Variants in TLN2 observed in about 807,000 individuals in gnomAD.
TLN2 encodes the protein talin 2.
In TLN2, 118 loss-of-function variants were observed where a neutral mutation model predicts 294.7. The observed-to-expected ratio is 0.40, with a 90% CI of 0.34 to 0.47. The LOEUF (loss-of-function observed/expected upper bound fraction) is 0.47. TLN2 is among the 20% of genes least tolerant of loss of function. TLN2 has a pLI of 0.84. For synonymous variants in TLN2, 1,431 were observed against 1,304.5 expected (o/e 1.10, Z -2.09); for missense variants, 3,083 against 3,282.2 (o/e 0.94, Z 1.48).
intron 1 of TLN2, among the ~76,000 whole-genome samples, chr15:62,433,804 C>T (rs576139928): frequency 1.1e-4 from 16 of 152,008 alleles, no homozygotes; most frequent in African/African-American, 1.9e-4. Context: ...GCCTGGCCAA[C>T]GTGGTGAAAC....
chr15:62,456,805 A>G (rs1040303404), intron 1 of TLN2, among the ~76,000 whole-genome samples: 5 of 152,114 alleles, frequency 3.3e-5, no homozygotes, highest in Non-Finnish European at 7.3e-5. Flanking sequence ...TTACTCTTCC[A>G]TCCGTTGTCT....
intron 4 of TLN2, among the ~76,000 whole-genome samples, chr15:62,649,233 C>T (rs1046761411): frequency 3.3e-5 from 5 of 152,060 alleles, no homozygotes; most frequent in East Asian, 3.9e-4. Context: ...TTTGGTTGTC[C>T]AGTCATTTCT....
intron 2 of TLN2, among the ~76,000 whole-genome samples, chr15:62,600,889 A>C (rs12440638): frequency 0.26 from 39,822 of 152,158 alleles, 5,525 homozygotes; most frequent in East Asian, 0.42. Context: ...ATTGTGCCAA[A>C]AATGTAAACG....
At chr15:62,782,911 C>A (rs1247395041) in intron 44 of TLN2, among the ~76,000 whole-genome samples, 1 of 152,158 alleles carries the variant, frequency 6.6e-6, no homozygotes, top group East Asian at 1.9e-4. Context: ...GGAGGGGAGC[C>A]CCTTGATGAG....
intron 41 of TLN2, 53 bp downstream of exon 41, chr15:62,766,475 A>G: frequency 1.2e-5 from 18 of 1,528,320 alleles, no homozygotes; most frequent in Non-Finnish European, 1.5e-5. Context: ...CACAGGAGAG[A>G]GGGTTTTATT....
intron 1 of TLN2, among the ~76,000 whole-genome samples, chr15:62,538,768 C>T (rs1222453780): frequency 6.6e-6 from 1 of 152,074 alleles, no homozygotes. Context: ...TAGACTCAGG[C>T]CATTTGTGAA....
intron 3 of TLN2, among the ~76,000 whole-genome samples, chr15:62,634,801 G>C (rs762425795): frequency 5.9e-5 from 9 of 152,262 alleles, no homozygotes; most frequent in Non-Finnish European, 1.0e-4. Flanking sequence ...GCAGAAAGCA[G>C]CACGTGGCTG....
At chr15:62,751,354 TG>T (rs1452392080) in intron 34 of TLN2, among the ~76,000 whole-genome samples, 1 of 152,230 alleles carries the variant, frequency 6.6e-6, no homozygotes, top group African/African-American at 2.4e-5. Context: ...CTGTTTGATT[TG>T]GGCTAAAACT....
At chr15:62,648,756 C>G (rs971479479) in intron 4 of TLN2, among the ~76,000 whole-genome samples, 4 of 151,950 alleles carry the variant, frequency 2.6e-5, no homozygotes, top group African/African-American at 9.7e-5. Context: ...ACCATGTTGG[C>G]CAGGATGGTC....
chr15:62,641,513 G>C (rs1033893249), intron 3 of TLN2, among the ~76,000 whole-genome samples: 8 of 152,054 alleles, frequency 5.3e-5, no homozygotes, highest in African/African-American at 1.9e-4. Context: ...CTACTCGGGA[G>C]GCTGAGGCAG....
intron 1 of TLN2, among the ~76,000 whole-genome samples, chr15:62,540,009 G>T (rs573432686): frequency 3.3e-5 from 5 of 151,592 alleles, no homozygotes; most frequent in African/African-American, 9.7e-5. Flanking sequence ...AAATTCAAAC[G>T]AACTCATCAC....
chr15:62,736,326 A>C (rs896374272), intron 28 of TLN2, among the ~76,000 whole-genome samples: 2 of 152,028 alleles, frequency 1.3e-5, no homozygotes, highest in African/African-American at 4.8e-5. Flanking sequence ...AAAAAAAAAA[A>C]AAAAACAGTA....
intron 11 of TLN2, chr15:62,683,016 T>C (rs2141031618): frequency 6.6e-6 from 1 of 152,252 alleles, no homozygotes; most frequent in South Asian, 2.1e-4. Context: ...ATAAACAGGG[T>C]CTTCAGGTTT....
intron 1 of TLN2, among the ~76,000 whole-genome samples, chr15:62,476,922 G>A (rs1196724904): frequency 6.6e-6 from 1 of 151,978 alleles, no homozygotes; most frequent in Non-Finnish European, 1.5e-5. Context: ...CCATCCCCAG[G>A]TATGCATCCT....
intron 3 of TLN2, chr15:62,640,063 C>T: frequency 2.3e-6 from 1 of 431,342 alleles, no homozygotes; most frequent in Non-Finnish European, 4.7e-6. Context: ...TACCTGAGCC[C>T]AGACTGTCCT....
chr15:62,473,752 G>C (rs1049375840), intron 1 of TLN2, among the ~76,000 whole-genome samples: 1 of 152,144 alleles, frequency 6.6e-6, no homozygotes, highest in Non-Finnish European at 1.5e-5. Flanking sequence ...TGCTCTTCCT[G>C]TGCATCCCTT....
intron 48 of TLN2, among the ~76,000 whole-genome samples, chr15:62,800,125 A>G (rs1011144895): frequency 5.9e-5 from 9 of 152,190 alleles, no homozygotes; most frequent in Admixed American, 5.2e-4. Flanking sequence ...CATAAGCTGC[A>G]TGTTTGCACC....
rs190275951 is a variant in TLN2 at position 62,667,133 on chromosome 15, T to C, written c.789-6694T>C. ...GGCGCCCACCACCACGCCCGGCTAA[T>C]TTTTTGTATTTTTTAGTAGAGACGG... On this transcript the variant is annotated intron_variant, in intron 9 of 58. Transcript: ENST00000636159. Among the ~76,000 whole-genome samples the C allele has an allele frequency of 2.2e-3, 327 of 152,056 alleles. 1 individual carries two copies. The highest frequency in any genetic ancestry group is 7.5e-3 in the African/African-American group (313 of 41,508).
At chr15:62,390,915 C>T (rs745311225) in intron 1 of TLN2, among the ~76,000 whole-genome samples, 1 of 152,236 alleles carries the variant, frequency 6.6e-6, no homozygotes, top group African/African-American at 2.4e-5. Flanking sequence ...AATTAATGCA[C>T]CTGTCTATTG....
Sources: gnomAD v4.1 joint callset for allele counts (sites outside exome capture counted in the v4.1 genomes callset) on GRCh38, gnomAD v4.1.1 for gene constraint, MANE v1.5 for transcripts, NCBI Gene and HGNC (gene_info 2026-07-23, HGNC 2026-07-21) for gene names.